The following HMGCS1 variants were observed in gnomAD, a reference collection of about 807,000 sequenced individuals.
HMGCS1 encodes the protein hydroxymethylglutaryl-CoA synthase, cytoplasmic.
HMGCS1 carries 9 observed loss-of-function variants against 52.3 expected under a neutral mutation model. The ratio of observed to expected loss-of-function variants is 0.17; its 90% confidence interval spans 0.10 to 0.30. HMGCS1 has a LOEUF of 0.30. Ranked by LOEUF, HMGCS1 falls within the 10% of genes least tolerant of loss-of-function variation. HMGCS1 has a pLI of 1.00. For missense variants in HMGCS1, 320 were observed against 620.9 expected (o/e 0.52, Z 5.15); for synonymous variants, 176 against 214.4 (o/e 0.82, Z 1.57).
chr5:43,291,404 A>C (rs141308615), intron 10 of HMGCS1, among the ~76,000 whole-genome samples, 184 bp from the exon 11 acceptor site: 4,031 of 152,202 alleles, frequency 0.026, 84 homozygotes, highest in Non-Finnish European at 0.034. Flanking sequence ...CCTTATGGTG[A>C]ATTTAGTATA....
intron 4 of HMGCS1, 46 bp downstream of exon 4, chr5:43,297,963 A>C: frequency 1.3e-6 from 2 of 1,583,068 alleles, no homozygotes; most frequent in African/African-American, 1.4e-5. Flanking sequence ...CAAATTTCTC[A>C]GCATATTGTG....
intron 1 of HMGCS1, among the ~76,000 whole-genome samples, chr5:43,312,582 CTG>C (rs1384632802): frequency 6.6e-6 from 1 of 152,164 alleles, no homozygotes; most frequent in East Asian, 1.9e-4. Context: ...TGGGAGGACT[CTG>C]TGAGTGCCTG....
At position 43,310,634 on chromosome 5, in the gene HMGCS1, ATTT is replaced by A. The variant is rs201159270; in HGVS notation, c.-70+2719_-70+2721del. 2.0e-5 allele frequency among the ~76,000 whole-genome samples: 3 copies of A among 150,524 alleles called. No individual in the cohort carries two copies. In the East Asian group the frequency reaches 5.8e-4, roughly 29 times the overall value. ...AAGTGCTTTCTGCTATCACTTTTTA[ATTT>A]TTTTTTTAATTTATTACTGCTCCTT... On this transcript the variant is annotated intron_variant, in intron 1 of 10. Coordinates refer to ENST00000325110, the MANE Select transcript of HMGCS1 (RefSeq NM_001098272.3).
At chr5:43,300,633 A>C (rs981767368) in intron 2 of HMGCS1, among the ~76,000 whole-genome samples, 2 of 151,648 alleles carry the variant, frequency 1.3e-5, no homozygotes, top group Non-Finnish European at 2.9e-5. Context: ...CAACAAAAAA[A>C]ATTTTTTTAA....
rs1753584560 is a variant in HMGCS1, at chr5:43,288,298, C to T, written c.*2833G>A. 1 of 152,084 alleles carries T rather than the reference C, an allele frequency of 6.6e-6. No individual in the cohort carries two copies. The highest frequency in any genetic ancestry group is 6.5e-5 in the Admixed American group (1 of 15,274). 9.4% of individuals were successfully genotyped at this position (152,084 alleles called of 1,614,324 possible). A position where few individuals can be genotyped will look rare whatever the true frequency, so the allele number is the denominator to read the frequency against. On this transcript the variant is annotated 3_prime_UTR_variant, in exon 11 of 11. Coordinates refer to ENST00000325110, the MANE Select transcript of HMGCS1 (RefSeq NM_001098272.3). ...CAGATCAACTATTTTCTCCCACTAC[C>T]AGCAAAGAAAAAATGAGGAACCTAT...
intron 5 of HMGCS1, 69 bp from the exon 6 acceptor site, chr5:43,295,986 A>C (rs1754013279): frequency 8.5e-7 from 1 of 1,172,470 alleles, no homozygotes; most frequent in Non-Finnish European, 1.2e-6. Flanking sequence ...TGACTTTAGA[A>C]TAAAGCTAGG....
intron 2 of HMGCS1, among the ~76,000 whole-genome samples, chr5:43,302,272 C>T (rs1193348196): frequency 6.6e-6 from 1 of 152,200 alleles, no homozygotes; most frequent in Non-Finnish European, 1.5e-5. Context: ...CCCAATCTTT[C>T]CCCATCTTAC....
intron 10 of HMGCS1, 138 bp from the exon 11 acceptor site, chr5:43,291,358 A>C (rs1248085427): frequency 1.7e-6 from 1 of 595,928 alleles, no homozygotes; most frequent in Non-Finnish European, 3.0e-6. Flanking sequence ...TATTTTATAT[A>C]ACTTTTCATG....
Position 43,297,252 on chromosome 5 carries a change from C to G in HMGCS1, c.575-86G>C, listed in dbSNP as rs1227940848. On this transcript the variant is annotated intron_variant, in intron 4 of 10. Transcript: ENST00000325110. ...TAAGTATACTGCATTATCTAAGGAC[C>G]TTCCTTAACTATCTGATCAATTCTC... is the stretch of plus-strand genomic sequence containing the variant. 6 of 1,081,852 alleles carry G rather than the reference C, an allele frequency of 5.5e-6. No homozygotes were observed. The East Asian group carries it at 9.6e-5, about 17-fold the overall frequency. The allele number at this position is 1,081,852 out of a possible 1,614,324, so 67.0% of individuals were successfully genotyped here.
chr5:43,291,131 T>A lies in HMGCS1; in HGVS notation c.1563A>T (p.Ter521TyrextTer4). The change falls in exon 11 of 11, where the codon TAA (stop) becomes TAT (tyrosine). Residue 521 changes from the stop codon to tyrosine, a stop_lost. Transcript: ENST00000325110. Reference protein sequence around the residue: ...EAAVISNGEH* With the variant: ...EAAVISNGEHY Reference sequence around the variant, plus strand: ...GAAGTCTTGCACCTCACAGAGTATCTTAATGTTCCCCATTACTAATGACAG... The same window carrying A: ...GAAGTCTTGCACCTCACAGAGTATCATAATGTTCCCCATTACTAATGACAG... The A allele has an allele frequency of 7.9e-7, 1 of 1,261,024 alleles. No homozygotes were observed. The highest frequency in any genetic ancestry group is 1.1e-6 in the Non-Finnish European group (1 of 909,940). The allele number at this position is 1,261,024 out of a possible 1,614,324, so 78.1% of individuals were successfully genotyped here.
intron 1 of HMGCS1, among the ~76,000 whole-genome samples, chr5:43,310,412 T>C (rs1428051403): frequency 2.0e-5 from 3 of 152,244 alleles, no homozygotes; most frequent in Non-Finnish European, 4.4e-5. Context: ...AAACTAGTTA[T>C]GGGCAGTCTT....
chr5:43,295,144 G>T (rs191556957), intron 6 of HMGCS1, among the ~76,000 whole-genome samples: 4 of 152,266 alleles, frequency 2.6e-5, no homozygotes, highest in East Asian at 1.9e-4. Flanking sequence ...TGGCTTCAAT[G>T]AATAGAATAT....
Position 43,288,721 on chromosome 5 carries a change from TC to T in HMGCS1, c.*2409del, listed in dbSNP as rs1413775403. Reference sequence around the variant, plus strand: ...GAAGTGACCTTAGAGAACGCTAGCCTCTAAATGACCCAGAAAGTAAATTATG... The same window carrying T: ...GAAGTGACCTTAGAGAACGCTAGCCTTAAATGACCCAGAAAGTAAATTATG... On this transcript the variant is annotated 3_prime_UTR_variant, in exon 11 of 11. Transcript: ENST00000325110. 1 of 152,164 alleles carries T rather than the reference TC, an allele frequency of 6.6e-6. No homozygotes were observed. Among genetic ancestry groups the T allele is most frequent in the Non-Finnish European group, 1.5e-5 (1 of 68,034 alleles). The allele number at this position is 152,164 out of a possible 1,614,324, so 9.4% of individuals were successfully genotyped here.
chr5:43,303,264 T>C (rs1754405425), intron 2 of HMGCS1, among the ~76,000 whole-genome samples: 1 of 152,274 alleles, frequency 6.6e-6, no homozygotes, highest in African/African-American at 2.4e-5. Context: ...ACTCTCAATG[T>C]GATGGCATTT....
Position 43,296,066 on chromosome 5 carries a change from T to C in HMGCS1, c.740-149A>G, listed in dbSNP as rs1201625355. On this transcript the variant is annotated intron_variant, in intron 5 of 10. Coordinates refer to ENST00000325110, the MANE Select transcript of HMGCS1 (RefSeq NM_001098272.3). ...TGAAACCTCTCTATACCTTAAAGTA[T>C]ACATTTAAAAAGACACTCAAAGATG... 7 of 548,026 alleles carry C rather than the reference T, an allele frequency of 1.3e-5. No individual in the cohort carries two copies. The East Asian group carries it at 2.0e-4, about 15-fold the overall frequency. 33.9% of individuals were successfully genotyped at this position (548,026 alleles called of 1,614,324 possible).
At chr5:43,312,031 G>A (rs140182671) in intron 1 of HMGCS1, among the ~76,000 whole-genome samples, 200 of 152,250 alleles carry the variant, frequency 1.3e-3, no homozygotes, top group African/African-American at 4.4e-3. Flanking sequence ...AAAAATAACT[G>A]CAATTTTAAA....
At position 43,298,203 on chromosome 5, in the gene HMGCS1, CTGTTA is replaced by C; in HGVS notation, c.449-74_449-70del. ...TATAACCAAACATGGAAACTGAAGT[CTGTTA>C]TATTTTCCCCAGAATATGCTTTTCC... On this transcript the variant is annotated intron_variant, in intron 3 of 10. Transcript: ENST00000325110. This position sits in a 1 kb window ranked among gnomAD's most constrained non-coding sequence, Gnocchi z 5.6. 2 of 1,335,972 alleles carry C rather than the reference CTGTTA, an allele frequency of 1.5e-6. No homozygotes were observed. The highest frequency in any genetic ancestry group is 2.3e-5 in the East Asian group (1 of 42,568). The allele number at this position is 1,335,972 out of a possible 1,614,324, so 82.8% of individuals were successfully genotyped here. A position where few individuals can be genotyped will look rare whatever the true frequency, so the allele number is the denominator to read the frequency against.
chr5:43,306,359 T>C (rs1245955282), intron 2 of HMGCS1, among the ~76,000 whole-genome samples: 1 of 152,190 alleles, frequency 6.6e-6, no homozygotes, highest in Non-Finnish European at 1.5e-5. Flanking sequence ...AGTCCTAACC[T>C]AGCTCCTCAA....
At chr5:43,311,415 A>G (rs759872445) in intron 1 of HMGCS1, among the ~76,000 whole-genome samples, 6 of 152,222 alleles carry the variant, frequency 3.9e-5, no homozygotes, top group Non-Finnish European at 7.3e-5. Flanking sequence ...TGAAAAACAT[A>G]AAAATATCAC....
Sources: allele counts gnomAD v4.1 joint callset (sites outside exome capture counted in the v4.1 genomes callset), GRCh38; gene constraint gnomAD v4.1.1; non-coding constraint Gnocchi (gnomAD v3.1); transcripts MANE v1.5; gene names NCBI Gene and HGNC (gene_info 2026-07-23, HGNC 2026-07-21).